Variants in NCAPD2 observed in about 807,000 individuals in gnomAD.
NCAPD2 encodes non-SMC condensin I complex subunit D2.
NCAPD2 carries 100 observed loss-of-function variants against 164.5 expected under a neutral mutation model. That is an observed-to-expected ratio of 0.61 (90% CI 0.52 to 0.72). NCAPD2 has a LOEUF of 0.72. Ranked by LOEUF, NCAPD2 falls within the 30% of genes least tolerant of loss-of-function variation. The probability of loss-of-function intolerance (pLI) is 0.00; values close to 1 mark genes in which losing one functional copy is unlikely to be tolerated. For synonymous variants in NCAPD2, 585 were observed against 642.6 expected, an observed-to-expected ratio of 0.91 and a Z score of 1.36; for missense variants, 1,560 against 1,749.2, an observed-to-expected ratio of 0.89 and a Z score of 1.93.
intron 2 of NCAPD2, among the ~76,000 whole-genome samples, chr12:6,505,614 G>T (rs1041106891): frequency 1.3e-5 from 2 of 152,148 alleles, no homozygotes; most frequent in African/African-American, 4.8e-5. Context: ...CTAGGCAGGT[G>T]GATCACCTGA....
intron 13 of NCAPD2, among the ~76,000 whole-genome samples, chr12:6,518,519 T>TGTTTTTTTTTTTTTTG (rs1247184637): frequency 8.6e-6 from 1 of 116,066 alleles, no homozygotes; most frequent in African/African-American, 3.5e-5. Context: ...TTTTTTTTTT[T>TGTTTTTTTTTTTTTTG]TTTTTTTTTT....
intron 17 of NCAPD2, among the ~76,000 whole-genome samples, chr12:6,524,359 G>T (rs1946295011): frequency 6.6e-6 from 1 of 152,106 alleles, no homozygotes; most frequent in Non-Finnish European, 1.5e-5. Context: ...ATCTGGAAAA[G>T]ACCAGGCGCG....
intron 2 of NCAPD2, among the ~76,000 whole-genome samples, chr12:6,502,456 G>A (rs1004005541): frequency 2.6e-5 from 4 of 152,184 alleles, no homozygotes; most frequent in African/African-American, 9.7e-5. Context: ...CAGGTTAGTA[G>A]TCATGAGTTT....
At chr12:6,499,447 G>A (rs937134373) in intron 2 of NCAPD2, among the ~76,000 whole-genome samples, 1 of 152,048 alleles carries the variant, frequency 6.6e-6, no homozygotes, top group East Asian at 1.9e-4. Context: ...GAGTGCAGTG[G>A]CAAGGTATCG....
chr12:6,525,506 TA>T, intron 17 of NCAPD2, 76 bp from the exon 18 acceptor site: 2 of 1,525,492 alleles, frequency 1.3e-6, no homozygotes, highest in Non-Finnish European at 1.8e-6. Flanking sequence ...AGGTTCGCAA[TA>T]TCATCTTCAG....
Position 6,531,393 on chromosome 12 carries a change from C to G in NCAPD2, c.4187C>G (p.Ala1396Gly), listed in dbSNP as rs1946372188. 1.2e-6 allele frequency: 2 copies of G among 1,613,800 alleles called. No homozygotes were observed. The highest frequency in any genetic ancestry group is 2.7e-5 in the African/African-American group (2 of 74,896). ...ACAACTCCCATTCTCAGAGCATCGGCTCGCAGGCACAGATCCTAGGAAGTC... is the reference window on the plus strand; with the variant it reads ...ACAACTCCCATTCTCAGAGCATCGGGTCGCAGGCACAGATCCTAGGAAGTC... ...KKTTPILRAS[A>G]RRHRS Residue 1396 changes from alanine to glycine, a missense_variant, in exon 32 of 32, where the codon GCT becomes GGT. By Grantham distance (60) the Ala-to-Gly change is moderately conservative. Transcript: ENST00000315579. The surrounding 1 kb of genome is among the most constrained non-coding windows in gnomAD (Gnocchi z 4.1).
At chr12:6,511,617 C>T (rs1296968856) in intron 6 of NCAPD2, among the ~76,000 whole-genome samples, 1 of 152,060 alleles carries the variant, frequency 6.6e-6, no homozygotes, top group Non-Finnish European at 1.5e-5. Context: ...GTGTGAGCCA[C>T]CACGCCCAGC....
intron 2 of NCAPD2, among the ~76,000 whole-genome samples, chr12:6,505,937 ACTGT>A (rs545615600): frequency 1.1e-3 from 172 of 151,880 alleles, no homozygotes; most frequent in African/African-American, 3.8e-3. Flanking sequence ...GATGTCATGT[ACTGT>A]CTGTGTTTGT....
In NCAPD2 at chr12:6,522,937, T is replaced by A. The variant is rs772891342; in HGVS notation, c.2064T>A (p.Gly688=). The A allele has an allele frequency of 2.1e-5, 34 of 1,614,108 alleles. No individual in the cohort carries two copies. The highest frequency in any genetic ancestry group is 2.0e-4 in the Admixed American group (12 of 60,006). ...MLPLIWSKEP[G]VREAVLNAYR... ...CTCTCATCTGGTCTAAGGAGCCTGG[T>A]GTCCGGGAAGCCGTGCTTAATGCCT... The change falls in exon 16 of 32, where the codon GGT becomes GGA. Residue 688 remains glycine, a synonymous_variant. Transcript: ENST00000315579.
At position 6,526,654 on chromosome 12, in the gene NCAPD2, T is replaced by C. The variant is rs756934815; in HGVS notation, c.2734+39T>C. 3 of 1,599,734 alleles carry C rather than the reference T, an allele frequency of 1.9e-6. No individual in the cohort carries two copies. The Admixed American group carries it at 5.0e-5, about 27-fold the overall frequency. The stretch of plus-strand genomic sequence containing the variant: ...GGTTGACCCACTGCGGCAGCCAGCT[T>C]CTGTTCTCCCTGCAGGGCCAGGAGC... On this transcript the variant is annotated intron_variant, in intron 21 of 31. Coordinates refer to ENST00000315579, the MANE Select transcript of NCAPD2 (RefSeq NM_014865.4).
intron 2 of NCAPD2, among the ~76,000 whole-genome samples, chr12:6,503,649 T>G (rs950188024): frequency 2.6e-5 from 4 of 152,112 alleles, no homozygotes; most frequent in Non-Finnish European, 5.9e-5. Context: ...CGCGTGCCTG[T>G]AATCCCAGCT....
rs1946355497 is a variant in NCAPD2 at position 6,529,884 on chromosome 12, T to C, written c.3763T>C (p.Ser1255Pro). The change falls in exon 29 of 32, where the codon TCA becomes CCA. Residue 1255 changes from serine to proline, a missense_variant. Physicochemically the swap from Ser to Pro is moderately conservative, Grantham distance 74 (BLOSUM62 -1). Coordinates refer to ENST00000315579, the MANE Select transcript of NCAPD2 (RefSeq NM_014865.4). Reference protein sequence around the residue: ...DNFDCFGDKLSDESIFSAFLS... With the variant: ...DNFDCFGDKLPDESIFSAFLS... ...TTTTGACTGTTTTGGAGACAAACTG[T>C]CAGATGAGTCCATCTTCAGTGCTTT... 6.2e-7 allele frequency: 1 copy of C among 1,614,152 alleles called. No homozygotes were observed. Among genetic ancestry groups the C allele is most frequent in the South Asian group, 1.1e-5 (1 of 91,088 alleles).
At chr12:6,522,779 G>A (rs1435060843) in intron 15 of NCAPD2, 49 bp from the exon 16 acceptor site, 1 of 1,594,784 alleles carries the variant, frequency 6.3e-7, no homozygotes, top group Admixed American at 1.7e-5. Flanking sequence ...GTTAGGTATT[G>A]GGGGAGTTTT....
intron 21 of NCAPD2, 63 bp downstream of exon 21, chr12:6,526,678 G>A (rs979758324): frequency 2.0e-5 from 32 of 1,570,886 alleles, no homozygotes; most frequent in East Asian, 9.0e-5. Flanking sequence ...AGGGCCAGGA[G>A]CCACTGCCAC....
intron 29 of NCAPD2, 30 bp from the exon 30 acceptor site, chr12:6,530,661 C>A (rs766257452): frequency 6.2e-7 from 1 of 1,613,144 alleles, no homozygotes; most frequent in Non-Finnish European, 8.5e-7. Context: ...TGTTTTCAGG[C>A]CTGCTCTGAA....
At chr12:6,510,892 C>T (rs1166451126) in intron 5 of NCAPD2, 82 bp downstream of exon 5, 18 of 1,486,854 alleles carry the variant, frequency 1.2e-5, no homozygotes, top group Non-Finnish European at 1.6e-5. Context: ...TCCAATGATC[C>T]ACAAATCCTT....
Position 6,531,017 on chromosome 12 carries a change from A to T in NCAPD2, c.4061A>T (p.Gln1354Leu). 3 of 1,614,168 alleles carry T rather than the reference A, an allele frequency of 1.9e-6. No individual in the cohort carries two copies. Among genetic ancestry groups the T allele is most frequent in the Non-Finnish European group, 2.5e-6 (3 of 1,180,034 alleles). Reference protein sequence around the residue: ...RTTRRHPNTQQRASKKKPKVV... With the variant: ...RTTRRHPNTQLRASKKKPKVV... ...ACCCGTCGGCATCCAAACACCCAGC[A>T]GCGAGCTTCCAAAAAGAAACCCAAA... The change falls in exon 31 of 32, where the codon CAG becomes CTG. Residue 1354 changes from glutamine (Q) to leucine (L), a missense_variant. Coordinates refer to ENST00000315579, the MANE Select transcript of NCAPD2 (RefSeq NM_014865.4). The surrounding 1 kb of genome is among the most constrained non-coding windows in gnomAD (Gnocchi z 4.1).
chr12:6,507,875 G>C (rs976819267), intron 2 of NCAPD2, among the ~76,000 whole-genome samples: 2 of 152,106 alleles, frequency 1.3e-5, no homozygotes, highest in Non-Finnish European at 2.9e-5. Flanking sequence ...GGTTGTGGGG[G>C]AGTGCTATGA....
chr12:6,503,004 C>T (rs1199119149), intron 2 of NCAPD2, among the ~76,000 whole-genome samples: 3 of 132,574 alleles, frequency 2.3e-5, no homozygotes, highest in Non-Finnish European at 4.7e-5. Flanking sequence ...GCCACCACAC[C>T]TGGCTTTTTT....
Sources: gnomAD v4.1 joint callset for allele counts (sites outside exome capture counted in the v4.1 genomes callset) on GRCh38, gnomAD v4.1.1 for gene constraint, Gnocchi (gnomAD v3.1) non-coding constraint, MANE v1.5 for transcripts, NCBI Gene and HGNC (gene_info 2026-07-23, HGNC 2026-07-21) for gene names.